The following SH3GL2 variants were observed in gnomAD, a reference collection of about 807,000 sequenced individuals.
SH3GL2 encodes endophilin-A1.
Under a neutral mutation model 46.0 loss-of-function variants are expected in SH3GL2, and 24 were observed. The observed-to-expected ratio is 0.52, with a 90% CI of 0.38 to 0.73. The LOEUF (loss-of-function observed/expected upper bound fraction) is 0.73, where lower values mean the gene tolerates loss of function less well. Ranked by LOEUF, SH3GL2 falls within the 30% of genes least tolerant of loss-of-function variation. The pLI, the probability that SH3GL2 is intolerant of heterozygous loss-of-function variation, is 0.00. For missense variants in SH3GL2, 413 were observed against 424.2 expected, an observed-to-expected ratio of 0.97 and a Z score of 0.23; for synonymous variants, 196 against 147.1, an observed-to-expected ratio of 1.33 and a Z score of -2.40.
At chr9:17,724,805 C>T (rs1011561532) in intron 1 of SH3GL2, among the ~76,000 whole-genome samples, 8 of 152,132 alleles carry the variant, frequency 5.3e-5, no homozygotes, top group African/African-American at 7.2e-5. Context: ...GATGTCCCTG[C>T]TCAAATTTGT....
At chr9:17,631,749 A>G (rs770102634) in intron 1 of SH3GL2, among the ~76,000 whole-genome samples, 1 of 152,122 alleles carries the variant, frequency 6.6e-6, no homozygotes, top group Non-Finnish European at 1.5e-5. Context: ...ACAATTTACT[A>G]TACTTTTTCT....
In SH3GL2 at chr9:17,605,215, A is replaced by G. The variant is rs146591150; in HGVS notation, c.45+25928A>G. Among the ~76,000 whole-genome samples the G allele has an allele frequency of 3.6e-3, 541 of 152,086 alleles. 2 individuals carry two copies. The highest frequency in any genetic ancestry group is 0.013 in the African/African-American group (523 of 41,468). Reference sequence around the variant, plus strand: ...GCTTGTCTTGAACACCTGGCCTCAAATGATCCTCTTGTCTTGGCCTCCCAA... The same window carrying G: ...GCTTGTCTTGAACACCTGGCCTCAAGTGATCCTCTTGTCTTGGCCTCCCAA... On this transcript the variant is annotated intron_variant, in intron 1 of 8. Coordinates refer to ENST00000380607, the MANE Select transcript of SH3GL2 (RefSeq NM_003026.5).
intron 1 of SH3GL2, among the ~76,000 whole-genome samples, chr9:17,656,969 G>A (rs1253063825): frequency 1.3e-5 from 2 of 152,072 alleles, no homozygotes; most frequent in Non-Finnish European, 2.9e-5. Context: ...AAATCACTGG[G>A]TGGAACATAA....
intron 1 of SH3GL2, among the ~76,000 whole-genome samples, chr9:17,725,917 G>C (rs1822010934): frequency 6.6e-6 from 1 of 152,104 alleles, no homozygotes. Context: ...GAACCCCCGT[G>C]TTCTTGGCCA....
intron 2 of SH3GL2, among the ~76,000 whole-genome samples, chr9:17,757,592 A>C (rs761076147): frequency 6.6e-6 from 1 of 152,230 alleles, no homozygotes; most frequent in Non-Finnish European, 1.5e-5. Flanking sequence ...TCAGGAGCTT[A>C]TAAGATGAGA....
chr9:17,650,445 C>T (rs1033117259), intron 1 of SH3GL2, among the ~76,000 whole-genome samples: 1 of 152,154 alleles, frequency 6.6e-6, no homozygotes, highest in African/African-American at 2.4e-5. Context: ...AATCTTGGCT[C>T]ATGGAGACCT....
chr9:17,624,524 TTTA>T (rs1424905185), intron 1 of SH3GL2, among the ~76,000 whole-genome samples: 1 of 70,598 alleles, frequency 1.4e-5, no homozygotes, highest in East Asian at 2.7e-4. Context: ...CTCATATAAT[TTTA>T]TTTATTTATT....
At chr9:17,767,255 G>A (rs546492702) in intron 3 of SH3GL2, among the ~76,000 whole-genome samples, 6 of 152,236 alleles carry the variant, frequency 3.9e-5, no homozygotes, top group Admixed American at 1.3e-4. Flanking sequence ...GGGGTCATTC[G>A]ATGTCTATTT....
intron 1 of SH3GL2, among the ~76,000 whole-genome samples, chr9:17,689,811 A>G (rs1821025188): frequency 6.6e-6 from 1 of 151,990 alleles, no homozygotes; most frequent in Non-Finnish European, 1.5e-5. Flanking sequence ...ATAACCACAA[A>G]ACTTGTGTTC....
intron 1 of SH3GL2, among the ~76,000 whole-genome samples, chr9:17,714,423 C>A (rs775281278): frequency 6.6e-6 from 1 of 151,516 alleles, no homozygotes; most frequent in Non-Finnish European, 1.5e-5. Flanking sequence ...TTTGTTTAAT[C>A]TGTTATTTAT....
Position 17,787,437 on chromosome 9 carries a change from C to T in SH3GL2, c.389C>T (p.Ser130Phe), listed in dbSNP as rs764803985. ...AMRELSEVKD[S>F]LDIEVKQNFI... ...CGGGAACTGTCGGAGGTCAAAGACT[C>T]TTTGGACATAGAAGTGAAGCAGAAC... Residue 130 changes from serine (S) to phenylalanine (F), a missense_variant, in exon 5 of 9, where the codon TCT becomes TTT. This residue lies in a region of SH3GL2 where 160 missense variants were observed against 192.3 expected (regional missense o/e 0.83). Coordinates refer to ENST00000380607, the MANE Select transcript of SH3GL2 (RefSeq NM_003026.5). 2 of 1,612,016 alleles carry T rather than the reference C, an allele frequency of 1.2e-6. No homozygotes were observed. Among genetic ancestry groups the T allele is most frequent in the Middle Eastern group, 1.7e-4 (1 of 6,058 alleles).
At chr9:17,755,827 A>G in intron 2 of SH3GL2, 1 of 962,998 alleles carries the variant, frequency 1.0e-6, no homozygotes, top group Non-Finnish European at 1.2e-6. Flanking sequence ...TTCTTCAGGG[A>G]AGAAAGGTAA....
intron 1 of SH3GL2, among the ~76,000 whole-genome samples, chr9:17,615,313 T>C (rs924156831): frequency 3.3e-5 from 5 of 152,164 alleles, no homozygotes; most frequent in Non-Finnish European, 7.3e-5. Flanking sequence ...ATAAATTGGG[T>C]ATTTAAGATG....
chr9:17,723,291 ATATTT>A (rs1821941209), intron 1 of SH3GL2, among the ~76,000 whole-genome samples: 1 of 152,114 alleles, frequency 6.6e-6, no homozygotes. Flanking sequence ...TCAATATATT[ATATTT>A]TCAGTTAAAA....
rs533058108 is a variant in SH3GL2, at chr9:17,579,151, C to T, written c.-92C>T. 2.4e-5 allele frequency: 21 copies of T among 865,498 alleles called. No individual in the cohort carries two copies. The highest frequency in any genetic ancestry group is 1.4e-4 in the South Asian group (7 of 48,382). 53.6% of individuals were successfully genotyped at this position (865,498 alleles called of 1,614,324 possible). On this transcript the variant is annotated 5_prime_UTR_variant, in exon 1 of 9. Coordinates refer to ENST00000380607, the MANE Select transcript of SH3GL2 (RefSeq NM_003026.5). The stretch of plus-strand genomic sequence containing the variant: ...GCCCCGGCGGCGGCACGACCAGAGG[C>T]GGCCAGGGGAGCGCGCCGCCCCGCT...
chr9:17,686,606 G>A (rs1820917322), intron 1 of SH3GL2, among the ~76,000 whole-genome samples: 1 of 144,100 alleles, frequency 6.9e-6, no homozygotes, highest in South Asian at 2.4e-4. Flanking sequence ...ATACTATGCA[G>A]CCATAAAAAA....
At chr9:17,586,951 A>T (rs1032619993) in intron 1 of SH3GL2, among the ~76,000 whole-genome samples, 1 of 152,228 alleles carries the variant, frequency 6.6e-6, no homozygotes, top group African/African-American at 2.4e-5. Flanking sequence ...TCATGCCTGC[A>T]ATCCCAGCAC....
At chr9:17,645,627 A>G (rs565631850) in intron 1 of SH3GL2, among the ~76,000 whole-genome samples, 2 of 152,188 alleles carry the variant, frequency 1.3e-5, no homozygotes, top group African/African-American at 4.8e-5. Context: ...TCCTTCATTT[A>G]TGAAGTTTAG....
chr9:17,638,612 C>T (rs947840934), intron 1 of SH3GL2, among the ~76,000 whole-genome samples: 1 of 152,182 alleles, frequency 6.6e-6, no homozygotes, highest in African/African-American at 2.4e-5. Flanking sequence ...ACACTGCCAC[C>T]AGTACTCTCC....
Sources: gnomAD v4.1 joint callset for allele counts (sites outside exome capture counted in the v4.1 genomes callset) on GRCh38, gnomAD v4.1.1 for gene constraint, gnomAD v4.1.1 regional missense constraint, MANE v1.5 for transcripts, NCBI Gene and HGNC (gene_info 2026-07-23, HGNC 2026-07-21) for gene names.